ZMYND8: variants seen among roughly 807,000 people sequenced by gnomAD.
The protein encoded by ZMYND8 is zinc finger MYND-type containing 8.
A neutral mutation model predicts 140.8 loss-of-function variants in ZMYND8; 37 were observed. That is an observed-to-expected ratio of 0.26 (90% CI 0.20 to 0.35). The LOEUF (loss-of-function observed/expected upper bound fraction) is 0.35. Among genes scored for constraint, ZMYND8 ranks in the 10% least tolerant of loss-of-function variants. The pLI is 1.00. For synonymous variants in ZMYND8, 592 were observed against 597.1 expected, an observed-to-expected ratio of 0.99 and a Z score of 0.12; for missense variants, 1,068 against 1,570.0, an observed-to-expected ratio of 0.68 and a Z score of 5.40.
In ZMYND8 at chr20:47,218,954, C is replaced by T. The variant is rs547295072; in HGVS notation, c.3484+1304G>A. Among the ~76,000 whole-genome samples, 6 of 152,126 alleles carry T rather than the reference C, an allele frequency of 3.9e-5. No homozygotes were observed. In the South Asian group the frequency reaches 6.2e-4, roughly 16 times the overall value. ...GCTCAAGAGAATCGTCAGTGGCTCA[C>T]GCCTGTAATCCCAGCACTTCCGGAG... On this transcript the variant is annotated intron_variant, in intron 21 of 22. Transcript: ENST00000471951.
rs1378570891 is a variant in ZMYND8 at position 47,239,543 on chromosome 20, G to C, written c.2285-405C>G. On this transcript the variant is annotated intron_variant, in intron 14 of 22. Transcript: ENST00000471951. ...TCGGCACCTTGAGAAGGGCCCAGCG[G>C]AAGTCAATCCAGACAGGAAGAGCAA... 2.6e-5 allele frequency among the ~76,000 whole-genome samples: 4 copies of C among 152,222 alleles called. No individual in the cohort carries two copies. The East Asian group carries it at 7.7e-4, about 29-fold the overall frequency.
intron 10 of ZMYND8, among the ~76,000 whole-genome samples, chr20:47,278,109 G>A (rs1027231001): frequency 3.3e-5 from 5 of 152,122 alleles, no homozygotes; most frequent in Non-Finnish European, 1.5e-5. Flanking sequence ...AGTAGTGGAA[G>A]TACAGGCACG....
At chr20:47,316,345 A>C (rs1333518616) in intron 2 of ZMYND8, among the ~76,000 whole-genome samples, 1 of 151,682 alleles carries the variant, frequency 6.6e-6, no homozygotes, top group Non-Finnish European at 1.5e-5. Flanking sequence ...AAAAAAAAAA[A>C]AGGAACCAAG....
intron 8 of ZMYND8, among the ~76,000 whole-genome samples, chr20:47,284,554 C>A (rs867027270): frequency 1.3e-5 from 2 of 152,120 alleles, no homozygotes; most frequent in Non-Finnish European, 2.9e-5. Flanking sequence ...GATCTGGCCC[C>A]AGCCCACCTG....
intron 1 of ZMYND8, among the ~76,000 whole-genome samples, chr20:47,355,267 T>C (rs2083127156): frequency 6.6e-6 from 1 of 152,214 alleles, no homozygotes; most frequent in African/African-American, 2.4e-5. Context: ...CTGCAGGTTA[T>C]CAGGAAAAAC....
At chr20:47,230,866 G>A (rs920198810) in intron 16 of ZMYND8, among the ~76,000 whole-genome samples, 4 of 151,850 alleles carry the variant, frequency 2.6e-5, no homozygotes, top group South Asian at 2.1e-4. Flanking sequence ...CTCCCCCAGC[G>A]CCTGACAACC....
In ZMYND8 at chr20:47,210,888, C is replaced by A; in HGVS notation, c.3578G>T (p.Arg1193Leu). The A allele has an allele frequency of 6.2e-7, 1 of 1,613,818 alleles. No individual in the cohort carries two copies. The highest frequency in any genetic ancestry group is 8.5e-7 in the Non-Finnish European group (1 of 1,179,798). ...GCTGCTCCAACTGGATTTATTACTC[C>A]GGGAATGGTCTGAGGGGGAAAACCA... is the stretch of plus-strand genomic sequence containing the variant. ...PNYPAQKYHS[R>L]SNKSSWSSSD... is the part of the protein sequence containing the mutation. The change falls in exon 23 of 23, where the codon CGG becomes CTG. Residue 1193 changes from arginine to leucine, a missense_variant. Arg to Leu is a moderately radical substitution (Grantham distance 102). Transcript: ENST00000471951.
At chr20:47,310,030 G>C in intron 3 of ZMYND8, 26 bp downstream of exon 3, 1 of 1,614,016 alleles carries the variant, frequency 6.2e-7, no homozygotes, top group Non-Finnish European at 8.5e-7. Context: ...CACCAGTGAG[G>C]ACACCGTTCC....
rs1226858147 is a variant in ZMYND8, at chr20:47,221,439, T to C, written c.3292A>G (p.Asn1098Asp). The stretch of plus-strand genomic sequence containing the variant: ...GAGGACTTATTTAGTGTTTCTGTGT[T>C]CACCTCAGCATCCGCTTCCTGCTGA... ...APQQEADAEV[N>D]TETLNKSSQG... The change falls in exon 20 of 23, where the codon AAC becomes GAC. Residue 1098 changes from asparagine (N) to aspartate (D), a missense_variant. Asn to Asp is a conservative substitution (Grantham distance 23). This residue lies in a region of ZMYND8 where 180 missense variants were observed against 187.8 expected (regional missense o/e 0.96). Transcript: ENST00000471951. 23 of 1,614,136 alleles carry C rather than the reference T, an allele frequency of 1.4e-5. No individual in the cohort carries two copies. The highest frequency in any genetic ancestry group is 1.9e-5 in the Non-Finnish European group (23 of 1,180,014).
At chr20:47,219,458 G>A (rs1280020626) in intron 21 of ZMYND8, among the ~76,000 whole-genome samples, 2 of 151,560 alleles carry the variant, frequency 1.3e-5, no homozygotes, top group Non-Finnish European at 2.9e-5. Context: ...CCTGGGAGGC[G>A]GAGGTTGCAG....
chr20:47,335,433 C>T (rs910917299), intron 2 of ZMYND8, among the ~76,000 whole-genome samples: 1 of 152,000 alleles, frequency 6.6e-6, no homozygotes, highest in African/African-American at 2.4e-5. Flanking sequence ...CCCCCCACAG[C>T]CATGACACCT....
chr20:47,261,114 G>A (rs539610576), intron 12 of ZMYND8, among the ~76,000 whole-genome samples: 12 of 152,156 alleles, frequency 7.9e-5, no homozygotes, highest in South Asian at 2.1e-4. Flanking sequence ...CCAGCTACTC[G>A]GAGGCTCAGG....
chr20:47,236,870 G>A (rs2039304274), intron 15 of ZMYND8, among the ~76,000 whole-genome samples: 1 of 152,148 alleles, frequency 6.6e-6, no homozygotes, highest in African/African-American at 2.4e-5. Flanking sequence ...GTGTCTATGG[G>A]AGAGTAGGGG....
At chr20:47,297,421 C>CT (rs11477253) in intron 4 of ZMYND8, among the ~76,000 whole-genome samples, 20 of 149,856 alleles carry the variant, frequency 1.3e-4, no homozygotes, top group Non-Finnish European at 1.6e-4. Context: ...TCCAATGTAC[C>CT]TTTTTTTTTT....
chr20:47,330,683 G>A (rs552102125), intron 2 of ZMYND8, among the ~76,000 whole-genome samples: 4 of 152,248 alleles, frequency 2.6e-5, no homozygotes, highest in South Asian at 2.1e-4. Flanking sequence ...GCCACCAGTC[G>A]CTTTGCAGAG....
At chr20:47,243,520 T>A (rs976658055) in intron 14 of ZMYND8, among the ~76,000 whole-genome samples, 5 of 152,142 alleles carry the variant, frequency 3.3e-5, no homozygotes, top group African/African-American at 1.2e-4. Context: ...TTGGAAAGTA[T>A]GAGATCTTCT....
chr20:47,227,296 G>A lies in ZMYND8; in HGVS notation c.2938-15C>T. On this transcript the variant is annotated splice_polypyrimidine_tract_variant and intron_variant, in intron 17 of 22. Coordinates refer to ENST00000471951, the MANE Select transcript of ZMYND8 (RefSeq NM_001281775.3). Reference sequence around the variant, plus strand: ...AGCCTGCGAATCTGGAAGAGGGAGAGTGAGCGTCTTCAAAAGCTGTCTCAT... The same window carrying A: ...AGCCTGCGAATCTGGAAGAGGGAGAATGAGCGTCTTCAAAAGCTGTCTCAT... 1 of 1,613,922 alleles carries A rather than the reference G, an allele frequency of 6.2e-7. No individual in the cohort carries two copies. Among genetic ancestry groups the A allele is most frequent in the Non-Finnish European group, 8.5e-7 (1 of 1,179,844 alleles).
chr20:47,346,796 G>A (rs2082369942), intron 2 of ZMYND8, among the ~76,000 whole-genome samples: 1 of 152,048 alleles, frequency 6.6e-6, no homozygotes, highest in Non-Finnish European at 1.5e-5. Context: ...TAGTAGAGAC[G>A]GGGGTTTCAC....
At chr20:47,267,499 G>A (rs549402018) in intron 11 of ZMYND8, among the ~76,000 whole-genome samples, 1 of 144,124 alleles carries the variant, frequency 6.9e-6, no homozygotes, top group Non-Finnish European at 1.5e-5. Flanking sequence ...GCCGGGGCGG[G>A]GGGGGGGCAA....
Sources: gnomAD v4.1 joint callset for allele counts (sites outside exome capture counted in the v4.1 genomes callset) on GRCh38, gnomAD v4.1.1 for gene constraint, gnomAD v4.1.1 regional missense constraint, MANE v1.5 for transcripts, NCBI Gene and HGNC (gene_info 2026-07-23, HGNC 2026-07-21) for gene names.